The following THOC7 variants were observed in gnomAD, a reference collection of about 807,000 sequenced individuals.
The protein encoded by THOC7 is NIF3L1-binding protein 1.
In THOC7, 22 loss-of-function variants were observed where a neutral mutation model predicts 33.1. The ratio of observed to expected loss-of-function variants is 0.66; its 90% CI spans 0.47 to 0.95. The LOEUF is 0.95. THOC7 is among the 40% of genes least tolerant of loss of function. The probability of loss-of-function intolerance (pLI) is 0.00; values close to 1 mark genes in which losing one functional copy is unlikely to be tolerated. For synonymous variants in THOC7, 77 were observed against 76.8 expected, an observed-to-expected ratio of 1.00 and a Z score of -0.01; for missense variants, 184 against 245.3, an observed-to-expected ratio of 0.75 and a Z score of 1.67.
rs774210324 is a variant in THOC7 at position 63,835,255 on chromosome 3, G to A, written c.478-32C>T. On this transcript the variant is annotated intron_variant, in intron 6 of 7. Transcript: ENST00000295899. Reference sequence around the variant, plus strand: ...TAACAAGAAAAAAATTTATACAAATGACCTGTATATATAGATATATAGACA... The same window carrying A: ...TAACAAGAAAAAAATTTATACAAATAACCTGTATATATAGATATATAGACA... 86 of 1,612,194 alleles carry A rather than the reference G, an allele frequency of 5.3e-5. No individual in the cohort carries two copies. The East Asian group carries it at 1.8e-3, about 34-fold the overall frequency.
At chr3:63,859,866 T>C (rs917235961) in intron 1 of THOC7, among the ~76,000 whole-genome samples, 2 of 152,226 alleles carry the variant, frequency 1.3e-5, no homozygotes, top group Non-Finnish European at 2.9e-5. Context: ...AAGTTGTAGT[T>C]TGTCTTTCCT....
At chr3:63,857,485 T>C (rs2107164343) in intron 1 of THOC7, among the ~76,000 whole-genome samples, 1 of 152,342 alleles carries the variant, frequency 6.6e-6, no homozygotes, top group African/African-American at 2.4e-5. Context: ...CCTGTAAGAT[T>C]TATCGTTAGA....
chr3:63,839,615 A>T, intron 2 of THOC7, 41 bp downstream of exon 2: 1 of 1,554,208 alleles, frequency 6.4e-7, no homozygotes, highest in Non-Finnish European at 8.9e-7. Context: ...CTAAAATCAC[A>T]TTAGGACACT....
At chr3:63,846,893 A>G (rs1331878803) in intron 1 of THOC7, among the ~76,000 whole-genome samples, 1 of 152,168 alleles carries the variant, frequency 6.6e-6, no homozygotes, top group Non-Finnish European at 1.5e-5. Flanking sequence ...AAGACTGCAA[A>G]TTACAGTTTG....
At chr3:63,835,509 T>G in intron 5 of THOC7, 119 bp from the exon 6 acceptor site, 1 of 771,784 alleles carries the variant, frequency 1.3e-6, no homozygotes, top group Non-Finnish European at 2.0e-6. Flanking sequence ...TTATAAGGAG[T>G]TATAACACTC....
intron 1 of THOC7, among the ~76,000 whole-genome samples, chr3:63,840,315 T>C (rs1701730265): frequency 6.6e-6 from 1 of 152,008 alleles, no homozygotes; most frequent in African/African-American, 2.4e-5. Context: ...GAAAAAGGAA[T>C]GGATTTGTTA....
At chr3:63,863,689 G>A in intron 1 of THOC7, 83 bp downstream of exon 1, 2 of 1,239,684 alleles carry the variant, frequency 1.6e-6, no homozygotes, top group African/African-American at 3.1e-5. Flanking sequence ...GGGGTTCCCG[G>A]AAGCGGGCCG....
chr3:63,860,247 G>A (rs1702184027), intron 1 of THOC7, among the ~76,000 whole-genome samples: 1 of 151,098 alleles, frequency 6.6e-6, no homozygotes, highest in Non-Finnish European at 1.5e-5. Context: ...GTCTTGCTGT[G>A]TTGCTTAGGA....
At position 63,857,204 on chromosome 3, in the gene THOC7, G is replaced by A. The variant is rs1012836731; in HGVS notation, c.19+6568C>T. Among the ~76,000 whole-genome samples the A allele has an allele frequency of 3.9e-5, 6 of 152,220 alleles. No homozygotes were observed. In the East Asian group the frequency reaches 1.2e-3, roughly 29 times the overall value. The stretch of plus-strand genomic sequence containing the variant: ...AGGAATTATTACGGAAGGTAAAGAG[G>A]GGAAGGTTTTCATTTTTCATATTGT... On this transcript the variant is annotated intron_variant, in intron 1 of 7. Coordinates refer to ENST00000295899, the MANE Select transcript of THOC7 (RefSeq NM_025075.4).
intron 1 of THOC7, chr3:63,863,436 T>G: frequency 9.0e-7 from 1 of 1,113,394 alleles, no homozygotes; most frequent in Non-Finnish European, 1.1e-6. Context: ...CACCCGCCCT[T>G]GCACCGCTTC....
At position 63,847,055 on chromosome 3, in the gene THOC7, T is replaced by G. The variant is rs562079085; in HGVS notation, c.20-7282A>C. On this transcript the variant is annotated intron_variant, in intron 1 of 7. Coordinates refer to ENST00000295899, the MANE Select transcript of THOC7 (RefSeq NM_025075.4). ...AGGAGGGCTAGAACGCCTCCTAGTT[T>G]GTTGGGAATGGATCGAAGAATTGCG... Among the ~76,000 whole-genome samples the G allele has an allele frequency of 3.9e-5, 6 of 152,232 alleles. No homozygotes were observed. The South Asian group carries it at 8.3e-4, about 21-fold the overall frequency.
intron 1 of THOC7, among the ~76,000 whole-genome samples, chr3:63,858,249 T>A (rs1702147655): frequency 6.6e-6 from 1 of 152,222 alleles, no homozygotes; most frequent in South Asian, 2.1e-4. Context: ...TCATGTTTCA[T>A]CCTTGAAACA....
intron 5 of THOC7, among the ~76,000 whole-genome samples, 164 bp downstream of exon 5, chr3:63,836,137 G>C (rs1361881382): frequency 6.6e-6 from 1 of 151,912 alleles, no homozygotes; most frequent in African/African-American, 2.4e-5. Flanking sequence ...GGTAAGGTTA[G>C]AGGAAAATAA....
Sources: gnomAD v4.1 joint callset for allele counts (sites outside exome capture counted in the v4.1 genomes callset) on GRCh38, gnomAD v4.1.1 for gene constraint, MANE v1.5 for transcripts, NCBI Gene and HGNC (gene_info 2026-07-23, HGNC 2026-07-21) for gene names.